Variants in BCAT1 observed in about 807,000 individuals in gnomAD.
The protein encoded by BCAT1 is branched-chain-amino-acid aminotransferase, cytosolic.
A neutral mutation model predicts 52.4 loss-of-function variants in BCAT1; 48 were observed. That is an observed-to-expected ratio of 0.92 (90% confidence interval 0.73 to 1.16). BCAT1 has a LOEUF of 1.16. BCAT1 is among the 50% of genes most tolerant of loss of function. The probability of loss-of-function intolerance (pLI) is 0.00; values close to 1 mark genes in which losing one functional copy is unlikely to be tolerated. For missense variants in BCAT1, 451 were observed against 457.1 expected (o/e 0.99, Z 0.12); for synonymous variants, 167 against 161.3 (o/e 1.04, Z -0.27).
Position 24,823,944 on chromosome 12 carries a change from T to G in BCAT1, c.1119+5879A>C, listed in dbSNP as rs558993449. Among the ~76,000 whole-genome samples, 10 of 152,362 alleles carry G rather than the reference T, an allele frequency of 6.6e-5. No homozygotes were observed. In the South Asian group the frequency reaches 2.1e-3, roughly 32 times the overall value. ...TTTTAAAAATGCTCTTTCTGAGAACTTTGGTAATGGTTTCCCATCTTACCC... is the reference window on the plus strand; with the variant it reads ...TTTTAAAAATGCTCTTTCTGAGAACGTTGGTAATGGTTTCCCATCTTACCC... On this transcript the variant is annotated intron_variant, in intron 10 of 10. Transcript: ENST00000261192.
At chr12:24,867,404 T>C (rs1049717916) in intron 5 of BCAT1, among the ~76,000 whole-genome samples, 1 of 151,840 alleles carries the variant, frequency 6.6e-6, no homozygotes, top group South Asian at 2.1e-4. Context: ...ACAATTGTTA[T>C]TGGCTAAGCA....
rs1566542245 is a variant in BCAT1, at chr12:24,811,998, A to G, written c.*6010T>C. ...AGCTCCATGTATTAGGTAGCTAGGT[A>G]TATTGTGGGATTATTCCTTGTTAAG... On this transcript the variant is annotated 3_prime_UTR_variant, in exon 11 of 11. Coordinates refer to ENST00000261192, the MANE Select transcript of BCAT1 (RefSeq NM_005504.7). The G allele has an allele frequency of 6.6e-6, 1 of 152,132 alleles. No homozygotes were observed. The highest frequency in any genetic ancestry group is 1.9e-4 in the East Asian group (1 of 5,206). 9.4% of individuals were successfully genotyped at this position (152,132 alleles called of 1,614,324 possible).
intron 8 of BCAT1, among the ~76,000 whole-genome samples, chr12:24,835,551 TTTTATTTATTTA>T (rs67156404): frequency 0.014 from 2,092 of 146,624 alleles, 27 homozygotes; most frequent in Non-Finnish European, 0.02. Context: ...TTAAATTTTA[TTTTATTTATTTA>T]TTTATTTATT....
chr12:24,877,205 CG>C (rs1233708673), intron 5 of BCAT1, among the ~76,000 whole-genome samples: 1 of 152,158 alleles, frequency 6.6e-6, no homozygotes, highest in East Asian at 1.9e-4. Flanking sequence ...CTGGTAACCC[CG>C]CAACACTTAG....
At position 24,810,111 on chromosome 12, in the gene BCAT1, T is replaced by G. The variant is rs1048385139; in HGVS notation, c.*7897A>C. On this transcript the variant is annotated 3_prime_UTR_variant, in exon 11 of 11. Transcript: ENST00000261192. ...TGACAAAGACCTTTGGAGAGAATGA[T>G]CATGGGTTTTGATCAACACTGTCGC... The G allele has an allele frequency of 2.0e-5, 3 of 152,180 alleles. No homozygotes were observed. Among genetic ancestry groups the G allele is most frequent in the African/African-American group, 7.2e-5 (3 of 41,438 alleles). 9.4% of individuals were successfully genotyped at this position (152,180 alleles called of 1,614,324 possible).
intron 3 of BCAT1, 140 bp downstream of exon 3, chr12:24,894,135 A>G: frequency 2.7e-6 from 2 of 728,942 alleles, no homozygotes; most frequent in Middle Eastern, 7.5e-4. Flanking sequence ...TCTATAGGAA[A>G]ACTTTTAAAG....
In BCAT1 at chr12:24,817,961, C is replaced by T; in HGVS notation, c.*47G>A. On this transcript the variant is annotated 3_prime_UTR_variant, in exon 11 of 11. Coordinates refer to ENST00000261192, the MANE Select transcript of BCAT1 (RefSeq NM_005504.7). ...CAAATGCAACAGTCTGTCCCAGTAG[C>T]ATACAGTTGGTATCCTCTATTTTCC... is the stretch of plus-strand genomic sequence containing the variant. The T allele has an allele frequency of 6.3e-7, 1 of 1,581,270 alleles. No homozygotes were observed. The highest frequency in any genetic ancestry group is 8.7e-7 in the Non-Finnish European group (1 of 1,151,286).
intron 3 of BCAT1, among the ~76,000 whole-genome samples, chr12:24,884,623 AT>A (rs1942604851): frequency 3.3e-5 from 5 of 152,354 alleles, no homozygotes; most frequent in Admixed American, 3.3e-4. Context: ...TTATTTGTCA[AT>A]TAAAAATTTA....
In BCAT1 at chr12:24,836,879, G is replaced by GAGAA. The variant is rs147886488; in HGVS notation, c.818-287_818-284dup. On this transcript the variant is annotated intron_variant, in intron 7 of 10. Coordinates refer to ENST00000261192, the MANE Select transcript of BCAT1 (RefSeq NM_005504.7). ...AAGGAAGGAAGGAAGGAAAGAGAAAGAGAAAGAAAGAAAGAAAGAAAAGAA... is the reference window on the plus strand; with the variant it reads ...AAGGAAGGAAGGAAGGAAAGAGAAAGAGAAAGAAAGAAAGAAAGAAAGAAAAGAA... 4.5e-3 allele frequency among the ~76,000 whole-genome samples: 400 copies of GAGAA among 89,716 alleles called. 23 individuals carry two copies. The highest frequency in any genetic ancestry group is 0.045 in the East Asian group (128 of 2,876). 58.9% of individuals were successfully genotyped at this position (89,716 alleles called of 152,430 possible).
In BCAT1 at chr12:24,827,228, C is replaced by A. The variant is rs546290207; in HGVS notation, c.1119+2595G>T. ...ATGTATTTTTTGTTCTATTTGTGTT[C>A]TTTATTTGAGCAAAACTGTAATAAT... On this transcript the variant is annotated intron_variant, in intron 10 of 10. Coordinates refer to ENST00000261192, the MANE Select transcript of BCAT1 (RefSeq NM_005504.7). 6.1e-4 allele frequency among the ~76,000 whole-genome samples: 92 copies of A among 151,988 alleles called. 4 individuals are homozygous for A. In the South Asian group the frequency reaches 0.019, roughly 31 times the overall value.
intron 1 of BCAT1, 180 bp from the exon 2 acceptor site, chr12:24,902,065 G>A: frequency 6.6e-7 from 1 of 1,524,666 alleles, no homozygotes; most frequent in Non-Finnish European, 8.8e-7. Context: ...TGTCTTGGGA[G>A]CGCTGCCCTG....
chr12:24,874,985 C>T (rs925788113), intron 5 of BCAT1, among the ~76,000 whole-genome samples: 8 of 135,928 alleles, frequency 5.9e-5, no homozygotes, highest in Non-Finnish European at 1.1e-4. Flanking sequence ...ATATAGAAGT[C>T]AGCCAAAAGC....
intron 1 of BCAT1, chr12:24,902,666 C>G (rs920267724): frequency 3.9e-6 from 2 of 512,950 alleles, no homozygotes; most frequent in Non-Finnish European, 6.6e-6. Context: ...GCTACCCTCA[C>G]GTCCCCCGTG....
chr12:24,863,091 G>A (rs1941896333), intron 5 of BCAT1, among the ~76,000 whole-genome samples: 1 of 152,118 alleles, frequency 6.6e-6, no homozygotes, highest in South Asian at 2.1e-4. Context: ...TTGATAAAAA[G>A]GCTGATCAAC....
intron 5 of BCAT1, among the ~76,000 whole-genome samples, chr12:24,855,441 C>T (rs1288490652): frequency 3.3e-5 from 5 of 152,050 alleles, no homozygotes; most frequent in African/African-American, 9.7e-5. Context: ...AGTGCAGTGG[C>T]GCAATCTTGG....
At chr12:24,930,068 T>C (rs1565503170) in intron 1 of BCAT1, among the ~76,000 whole-genome samples, 1 of 152,242 alleles carries the variant, frequency 6.6e-6, no homozygotes, top group Non-Finnish European at 1.5e-5. Flanking sequence ...CTGTGACCAT[T>C]ATAATCTGGC....
intron 3 of BCAT1, among the ~76,000 whole-genome samples, chr12:24,893,601 T>G (rs150392924): frequency 0.018 from 2,764 of 152,302 alleles, 33 homozygotes; most frequent in Admixed American, 0.032. Context: ...TCTATTAATA[T>G]TTTACTATTA....
At chr12:24,925,922 C>T (rs1239839599) in intron 1 of BCAT1, among the ~76,000 whole-genome samples, 10 of 152,294 alleles carry the variant, frequency 6.6e-5, no homozygotes, top group South Asian at 6.2e-4. Context: ...AGTGTAGTGG[C>T]GTGATCTCGG....
At chr12:24,878,773 T>C in intron 4 of BCAT1, 124 bp from the exon 5 acceptor site, 2 of 951,022 alleles carry the variant, frequency 2.1e-6, no homozygotes, top group Non-Finnish European at 1.5e-6. Flanking sequence ...AAATAAGAAA[T>C]GTTTGAGGTG....
Sources: gnomAD v4.1 joint callset for allele counts (sites outside exome capture counted in the v4.1 genomes callset) on GRCh38, gnomAD v4.1.1 for gene constraint, MANE v1.5 for transcripts, NCBI Gene and HGNC (gene_info 2026-07-23, HGNC 2026-07-21) for gene names.